Variants in ETV4 observed in about 807,000 individuals in gnomAD.
ETV4 encodes the protein ETS variant transcription factor 4.
ETV4 carries 42 observed loss-of-function variants against 65.9 expected under a neutral mutation model. That is an observed-to-expected ratio of 0.64 (90% CI 0.50 to 0.82). ETV4 has a LOEUF of 0.82. Ranked by LOEUF, ETV4 falls within the 40% of genes least tolerant of loss-of-function variation. ETV4 has a pLI of 0.00. For missense variants in ETV4, 583 were observed against 630.3 expected (o/e 0.92, Z 0.80); for synonymous variants, 238 against 260.0 (o/e 0.92, Z 0.81).
chr17:43,528,724 A>C lies in ETV4; in HGVS notation c.1250T>G (p.Val417Gly). Residue 417 changes from valine (V) to glycine (G), a missense_variant, in exon 13 of 13, where the codon GTG becomes GGG. Val to Gly is a moderately radical substitution (Grantham distance 109, BLOSUM62 -3). Transcript: ENST00000319349. ...IMQKVAGERY[V>G]YKFVCEPEAL... Reference sequence around the variant, plus strand: ...CTCGGGCTCACACACAAACTTGTACACGTAACGCTCACCAGCCACCTATGG... The same window carrying C: ...CTCGGGCTCACACACAAACTTGTACCCGTAACGCTCACCAGCCACCTATGG... 6.2e-7 allele frequency: 1 copy of C among 1,614,100 alleles called. No homozygotes were observed. The highest frequency in any genetic ancestry group is 1.1e-5 in the South Asian group (1 of 91,080).
chr17:43,534,006 G>A (rs1208019194), intron 5 of ETV4, 21 bp from the exon 6 acceptor site: 5 of 1,507,014 alleles, frequency 3.3e-6, no homozygotes, highest in Non-Finnish European at 4.4e-6. Context: ...GGAGGGGACA[G>A]AGCAAGGCCA....
rs933813800 is a variant in ETV4, at chr17:43,545,329, G to A, written c.99C>T (p.Ile33=). The change falls in exon 3 of 13, where the codon ATC becomes ATT. Residue 33 remains isoleucine (I), a synonymous_variant. Transcript: ENST00000319349. ...GGTCCATGAGCTTCCCCAGCGGGCC[G>A]ATCAGCGCTTCGCGCAAGCTCCCAT... The part of the protein sequence containing the change: ...PGNGSLREAL[I]GPLGKLMDPG... 6.2e-7 allele frequency: 1 copy of A among 1,608,042 alleles called. No homozygotes were observed. Among genetic ancestry groups the A allele is most frequent in the East Asian group, 2.2e-5 (1 of 44,642 alleles).
intron 3 of ETV4, 123 bp downstream of exon 3, chr17:43,545,151 G>T: frequency 7.7e-7 from 1 of 1,294,950 alleles, no homozygotes; most frequent in Non-Finnish European, 1.1e-6. Flanking sequence ...ATCCCTTGGA[G>T]GGCGAGTTTT....
At chr17:43,542,240 T>G (rs758986098) in intron 4 of ETV4, among the ~76,000 whole-genome samples, 2 of 152,120 alleles carry the variant, frequency 1.3e-5, no homozygotes, top group Non-Finnish European at 2.9e-5. Flanking sequence ...TACACCTTTA[T>G]GTATGGTGCA....
chr17:43,536,795 G>A (rs1333828381), intron 4 of ETV4, among the ~76,000 whole-genome samples: 1 of 152,244 alleles, frequency 6.6e-6, no homozygotes, highest in Non-Finnish European at 1.5e-5. Context: ...CCCACGGGTT[G>A]GACAAGCTTG....
chr17:43,534,668 G>A (rs527372860), intron 5 of ETV4, among the ~76,000 whole-genome samples: 5 of 152,198 alleles, frequency 3.3e-5, no homozygotes, highest in Middle Eastern at 3.4e-3. Flanking sequence ...GGCCGGGCGC[G>A]GTGGCTCACG....
Position 43,545,368 on chromosome 17 carries a change from C to A in ETV4, c.61-1G>T. On this transcript the variant is annotated splice_acceptor_variant, in intron 2 of 12. Transcript: ENST00000319349. LOFTEE classifies it high-confidence loss of function. ...GCAAGCTCCCATTTCCGGGCGATTT[C>A]TGCGAGAAGCGGGGAGAATGCCCGC... 6.3e-7 allele frequency: 1 copy of A among 1,587,614 alleles called. No individual in the cohort carries two copies. Among genetic ancestry groups the A allele is most frequent in the Non-Finnish European group, 8.6e-7 (1 of 1,166,062 alleles).
chr17:43,537,138 G>A (rs1287462713), intron 4 of ETV4, among the ~76,000 whole-genome samples: 1 of 152,292 alleles, frequency 6.6e-6, no homozygotes, highest in East Asian at 1.9e-4. Context: ...AGTCAAGGCG[G>A]GTGGATCACC....
At chr17:43,530,529 G>C in intron 8 of ETV4, 1 of 925,356 alleles carries the variant, frequency 1.1e-6, no homozygotes. Flanking sequence ...GAAAGAGTTC[G>C]GTGTCCACGC....
intron 4 of ETV4, 124 bp downstream of exon 4, chr17:43,544,851 T>C: frequency 1.1e-6 from 1 of 880,814 alleles, no homozygotes. Context: ...GGAGAGGGCC[T>C]TGGAGAACTC....
In ETV4 at chr17:43,528,113, C is replaced by T. The variant is rs911221357; in HGVS notation, c.*406G>A. The T allele has an allele frequency of 3.8e-5, 9 of 238,778 alleles. No homozygotes were observed. The highest frequency in any genetic ancestry group is 6.6e-5 in the Non-Finnish European group (8 of 121,752). The allele number at this position is 238,778 out of a possible 1,614,324, so 14.8% of individuals were successfully genotyped here. On this transcript the variant is annotated 3_prime_UTR_variant, in exon 13 of 13. Coordinates refer to ENST00000319349, the MANE Select transcript of ETV4 (RefSeq NM_001079675.5). ...GGCAGAGTCCAGGCTTCTGTCTCCCCGCAGTGGGAGATCTGGGGAGCTCAG... is the reference window on the plus strand; with the variant it reads ...GGCAGAGTCCAGGCTTCTGTCTCCCTGCAGTGGGAGATCTGGGGAGCTCAG...
At chr17:43,540,909 C>T (rs1971488206) in intron 4 of ETV4, among the ~76,000 whole-genome samples, 1 of 151,970 alleles carries the variant, frequency 6.6e-6, no homozygotes. Flanking sequence ...CGCATTCCGG[C>T]CCCACCCCTG....
intron 4 of ETV4, among the ~76,000 whole-genome samples, chr17:43,538,050 A>C (rs998526799): frequency 1.5e-4 from 22 of 151,504 alleles, no homozygotes; most frequent in African/African-American, 5.3e-4. Context: ...CTGAGGCAAG[A>C]GAATGGCGTG....
chr17:43,535,504 T>C (rs377741033), intron 5 of ETV4, among the ~76,000 whole-genome samples: 3 of 152,304 alleles, frequency 2.0e-5, no homozygotes, highest in African/African-American at 7.2e-5. Flanking sequence ...CTCAAACTCC[T>C]GACCTCATGT....
rs1275646688 is a variant in ETV4 at position 43,536,425 on chromosome 17, C to T, written c.256+1G>A. 4 of 1,613,980 alleles carry T rather than the reference C, an allele frequency of 2.5e-6. No homozygotes were observed. The highest frequency in any genetic ancestry group is 1.7e-5 in the Admixed American group (1 of 60,012). ...CCCTCTCCCCAGGGACCTCTACTCA[C>T]GGTTTTCTGAATGGAAATCAGGAAC... On this transcript the variant is annotated splice_donor_variant, in intron 5 of 12. Transcript: ENST00000319349. LOFTEE classifies it high-confidence loss of function.
At chr17:43,545,471 C>T (rs1299206075) in intron 2 of ETV4, 87 bp downstream of exon 2, 1 of 1,458,556 alleles carries the variant, frequency 6.9e-7, no homozygotes, top group Non-Finnish European at 9.3e-7. Flanking sequence ...GCCCAGGACT[C>T]CGCTGGGACT....
chr17:43,534,705 C>T (rs1598204133), intron 5 of ETV4, among the ~76,000 whole-genome samples: 1 of 151,804 alleles, frequency 6.6e-6, no homozygotes. Context: ...TTTGGGAGGC[C>T]GAGGCGGGCG....
At chr17:43,540,188 C>T (rs1229295932) in intron 4 of ETV4, among the ~76,000 whole-genome samples, 1 of 152,220 alleles carries the variant, frequency 6.6e-6, no homozygotes, top group African/African-American at 2.4e-5. Flanking sequence ...TGTGGTGGCT[C>T]ACGCCTGTAA....
At chr17:43,544,853 G>A (rs1238817642) in intron 4 of ETV4, 122 bp downstream of exon 4, 6 of 895,062 alleles carry the variant, frequency 6.7e-6, no homozygotes, top group Non-Finnish European at 1.1e-5. Context: ...AGAGGGCCTT[G>A]GAGAACTCCT....
Sources: allele counts gnomAD v4.1 joint callset (sites outside exome capture counted in the v4.1 genomes callset), GRCh38; gene constraint gnomAD v4.1.1; transcripts MANE v1.5; gene names NCBI Gene and HGNC (gene_info 2026-07-23, HGNC 2026-07-21).